The following GLCE variants were observed in gnomAD, a reference collection of about 807,000 sequenced individuals.
GLCE encodes the protein D-glucuronyl C5-epimerase.
A neutral mutation model predicts 47.9 loss-of-function variants in GLCE; 19 were observed. The observed-to-expected ratio is 0.40, with a 90% CI of 0.28 to 0.58. The LOEUF (loss-of-function observed/expected upper bound fraction) is 0.58, where lower values mean the gene tolerates loss of function less well. Among genes scored for constraint, GLCE ranks in the 20% least tolerant of loss-of-function variants. GLCE has a pLI of 0.48. For missense variants in GLCE, 556 were observed against 743.3 expected (o/e 0.75, Z 2.93); for synonymous variants, 245 against 263.4 (o/e 0.93, Z 0.68).
chr15:69,243,860 G>A (rs533429249), intron 2 of GLCE, among the ~76,000 whole-genome samples: 6 of 151,592 alleles, frequency 4.0e-5, no homozygotes, highest in East Asian at 3.9e-4. Flanking sequence ...GGCTGGTCTC[G>A]AACTCCTGGC....
intron 1 of GLCE, among the ~76,000 whole-genome samples, chr15:69,206,115 C>T (rs530523856): frequency 3.3e-5 from 5 of 152,184 alleles, no homozygotes; most frequent in Non-Finnish European, 7.4e-5. Context: ...TAGTCTATGA[C>T]AGTTTCTCTG....
intron 2 of GLCE, among the ~76,000 whole-genome samples, chr15:69,250,959 A>G (rs2052835999): frequency 6.6e-6 from 1 of 152,132 alleles, no homozygotes; most frequent in African/African-American, 2.4e-5. Flanking sequence ...TTTCCATTTT[A>G]TCAAGTCCAT....
chr15:69,160,993 G>A lies in GLCE; in HGVS notation c.-105+236G>A, dbSNP rs1455736540. The stretch of plus-strand genomic sequence containing the variant: ...GTGCCGGAGCTCCCGAGGTGAGGGG[G>A]CAATGTATTAGGGATCCTGGGGGCT... On this transcript the variant is annotated intron_variant, in intron 1 of 4. Coordinates refer to ENST00000261858, the MANE Select transcript of GLCE (RefSeq NM_015554.3). This position sits in a 1 kb window ranked among gnomAD's most constrained non-coding sequence, Gnocchi z 4.2. Among the ~76,000 whole-genome samples, 1 of 151,730 alleles carries A rather than the reference G, an allele frequency of 6.6e-6. No individual in the cohort carries two copies. The highest frequency in any genetic ancestry group is 1.5e-5 in the Non-Finnish European group (1 of 67,890).
chr15:69,250,215 G>C (rs74643695), intron 2 of GLCE, among the ~76,000 whole-genome samples: 1 of 152,066 alleles, frequency 6.6e-6, no homozygotes. Context: ...CAGAATGTCA[G>C]TGCAATCTAC....
intron 4 of GLCE, 108 bp downstream of exon 4, chr15:69,261,437 A>G: frequency 2.0e-6 from 2 of 1,013,748 alleles, no homozygotes; most frequent in Non-Finnish European, 2.9e-6. Context: ...CAGACCCTTT[A>G]TATTACATAT....
intron 2 of GLCE, among the ~76,000 whole-genome samples, chr15:69,253,906 A>G (rs146118203): frequency 1.3e-5 from 2 of 152,324 alleles, no homozygotes; most frequent in South Asian, 2.1e-4. Flanking sequence ...ATAATATGCA[A>G]CCATGGATTC....
chr15:69,185,413 C>G (rs1338058665), intron 1 of GLCE, among the ~76,000 whole-genome samples: 1 of 152,134 alleles, frequency 6.6e-6, no homozygotes, highest in Non-Finnish European at 1.5e-5. Flanking sequence ...TCTCCTTTCT[C>G]TCTGTCAAAA....
At chr15:69,191,691 T>C (rs531083256) in intron 1 of GLCE, among the ~76,000 whole-genome samples, 1 of 152,248 alleles carries the variant, frequency 6.6e-6, no homozygotes, top group East Asian at 1.9e-4. Context: ...CAGAATATTG[T>C]TTGCATAAAT....
At chr15:69,200,913 G>A (rs1282413608) in intron 1 of GLCE, among the ~76,000 whole-genome samples, 2 of 152,076 alleles carry the variant, frequency 1.3e-5, no homozygotes, top group East Asian at 3.9e-4. Context: ...GCTTATATGA[G>A]GTTTTGGTAG....
chr15:69,218,871 A>G (rs1369481745), intron 2 of GLCE, among the ~76,000 whole-genome samples: 2 of 152,186 alleles, frequency 1.3e-5, no homozygotes, highest in Non-Finnish European at 2.9e-5. Context: ...TACTCATCTC[A>G]AAAATTTAAC....
chr15:69,264,521 G>A (rs1317449159), intron 4 of GLCE, among the ~76,000 whole-genome samples: 1 of 152,116 alleles, frequency 6.6e-6, no homozygotes, highest in Non-Finnish European at 1.5e-5. Flanking sequence ...ATCTTTTTGA[G>A]GTTATTGATT....
chr15:69,208,296 T>C (rs1324778177), intron 1 of GLCE, among the ~76,000 whole-genome samples: 3 of 152,218 alleles, frequency 2.0e-5, no homozygotes, highest in African/African-American at 7.2e-5. Context: ...CATTTAAGTT[T>C]GAGTGAATTT....
intron 2 of GLCE, among the ~76,000 whole-genome samples, chr15:69,213,849 C>T (rs113874812): frequency 6.6e-6 from 1 of 152,068 alleles, no homozygotes; most frequent in African/African-American, 2.4e-5. Context: ...TCCCTGCTCA[C>T]ATTTATTTAC....
intron 1 of GLCE, among the ~76,000 whole-genome samples, chr15:69,182,900 A>C (rs571895467): frequency 2.6e-4 from 39 of 152,194 alleles, no homozygotes; most frequent in African/African-American, 8.4e-4. Flanking sequence ...CTGTAGTCCC[A>C]GCTACTCAGG....
At chr15:69,208,126 A>C (rs2052176647) in intron 1 of GLCE, among the ~76,000 whole-genome samples, 1 of 151,984 alleles carries the variant, frequency 6.6e-6, no homozygotes. Context: ...ACCTTTCCAG[A>C]GCATAAATTT....
intron 1 of GLCE, among the ~76,000 whole-genome samples, chr15:69,193,355 A>G (rs968257962): frequency 6.6e-6 from 1 of 151,290 alleles, no homozygotes; most frequent in African/African-American, 2.4e-5. Context: ...ATATTTCCAG[A>G]CCCTCTTTGT....
At chr15:69,203,975 A>T (rs2052113025) in intron 1 of GLCE, among the ~76,000 whole-genome samples, 1 of 152,148 alleles carries the variant, frequency 6.6e-6, no homozygotes, top group South Asian at 2.1e-4. Flanking sequence ...CAGATAGATT[A>T]AATAACATGA....
chr15:69,221,987 G>A (rs867265219), intron 2 of GLCE, among the ~76,000 whole-genome samples: 1 of 152,088 alleles, frequency 6.6e-6, no homozygotes, highest in African/African-American at 2.4e-5. Flanking sequence ...CCTTCAAATG[G>A]GACTTTTTGT....
At chr15:69,258,078 C>G (rs1327200366) in intron 3 of GLCE, among the ~76,000 whole-genome samples, 1 of 151,458 alleles carries the variant, frequency 6.6e-6, no homozygotes, top group African/African-American at 2.4e-5. Flanking sequence ...ATTTGTTTTA[C>G]AGATTATTTT....
Sources: allele counts gnomAD v4.1 joint callset (sites outside exome capture counted in the v4.1 genomes callset), GRCh38; gene constraint gnomAD v4.1.1; non-coding constraint Gnocchi (gnomAD v3.1); transcripts MANE v1.5; gene names NCBI Gene and HGNC (gene_info 2026-07-23, HGNC 2026-07-21).